GRID2: variants seen among roughly 807,000 people sequenced by gnomAD.
The protein encoded by GRID2 is glutamate receptor ionotropic, delta-2.
In GRID2, 33 loss-of-function variants were observed where a neutral mutation model predicts 114.8. The ratio of observed to expected loss-of-function variants is 0.29; its 90% CI spans 0.22 to 0.38. The LOEUF is 0.38. Ranked by LOEUF, GRID2 falls within the 10% of genes least tolerant of loss-of-function variation. The pLI, the probability that GRID2 is intolerant of heterozygous loss-of-function variation, is 1.00. For synonymous variants in GRID2, 505 were observed against 449.9 expected, an observed-to-expected ratio of 1.12 and a Z score of -1.55; for missense variants, 1,184 against 1,257.7, an observed-to-expected ratio of 0.94 and a Z score of 0.89.
chr4:93,095,639 T>TA (rs1351620480), intron 3 of GRID2, among the ~76,000 whole-genome samples: 1 of 151,894 alleles, frequency 6.6e-6, no homozygotes, highest in Non-Finnish European at 1.5e-5. Context: ...CTAATAGCAA[T>TA]AAAAAATTAA....
intron 1 of GRID2, among the ~76,000 whole-genome samples, chr4:92,357,074 G>T (rs1728364737): frequency 6.6e-6 from 1 of 151,836 alleles, no homozygotes; most frequent in East Asian, 1.9e-4. Flanking sequence ...GAGGATTAGG[G>T]TAATGGTGCC....
intron 2 of GRID2, among the ~76,000 whole-genome samples, chr4:92,871,398 A>G (rs1745268445): frequency 6.6e-6 from 1 of 152,030 alleles, no homozygotes; most frequent in African/African-American, 2.4e-5. Flanking sequence ...TTTGTTTTGC[A>G]TATGAAAATT....
At chr4:92,314,847 C>T (rs140257973) in intron 1 of GRID2, among the ~76,000 whole-genome samples, 431 of 152,176 alleles carry the variant, frequency 2.8e-3, no homozygotes, top group African/African-American at 9.2e-3. Context: ...GGATACTCAA[C>T]GTGTAGTAAT....
chr4:93,586,123 G>A (rs57384722), intron 13 of GRID2, among the ~76,000 whole-genome samples: 4,846 of 152,040 alleles, frequency 0.032, 246 homozygotes, highest in African/African-American at 0.11. Flanking sequence ...TAAACTACTT[G>A]AGTGATCCTA....
At chr4:93,301,660 C>A (rs900353936) in intron 8 of GRID2, among the ~76,000 whole-genome samples, 4 of 152,118 alleles carry the variant, frequency 2.6e-5, no homozygotes, top group Non-Finnish European at 5.9e-5. Context: ...AAGTACCACA[C>A]AAGTTATTTT....
At chr4:92,406,556 A>G (rs1731036401) in intron 1 of GRID2, among the ~76,000 whole-genome samples, 1 of 152,118 alleles carries the variant, frequency 6.6e-6, no homozygotes, top group African/African-American at 2.4e-5. Context: ...AAAAAATGTC[A>G]ACTTTTATTA....
intron 2 of GRID2, among the ~76,000 whole-genome samples, chr4:92,911,449 A>G (rs1330158258): frequency 6.6e-6 from 1 of 152,006 alleles, no homozygotes; most frequent in South Asian, 2.1e-4. Flanking sequence ...CACATAGTGG[A>G]TATTTATTTC....
intron 2 of GRID2, among the ~76,000 whole-genome samples, chr4:93,009,560 G>A (rs1721906123): frequency 6.6e-6 from 1 of 151,742 alleles, no homozygotes; most frequent in Non-Finnish European, 1.5e-5. Context: ...TTTCCTTGTG[G>A]GGCCAAAATC....
At chr4:92,388,221 G>A (rs1248490821) in intron 1 of GRID2, among the ~76,000 whole-genome samples, 1 of 152,062 alleles carries the variant, frequency 6.6e-6, no homozygotes, top group African/African-American at 2.4e-5. Flanking sequence ...ACAATCTTAT[G>A]TAGGTGGAGG....
chr4:92,858,559 T>G lies in GRID2; in HGVS notation c.245-226436T>G, dbSNP rs182609777. On this transcript the variant is annotated intron_variant, in intron 2 of 15. Coordinates refer to ENST00000282020, the MANE Select transcript of GRID2 (RefSeq NM_001510.4). ...TTTTAATGAATGAGGAGTTTGTTTG[T>G]TTTTTTTCTTTCTTTTGAGACGGAG... 2.7e-4 allele frequency among the ~76,000 whole-genome samples: 41 copies of G among 152,082 alleles called. 2 individuals are homozygous for G. In the South Asian group the frequency reaches 6.9e-3, roughly 25 times the overall value.
chr4:93,104,837 T>C (rs1732048312), intron 3 of GRID2, among the ~76,000 whole-genome samples: 1 of 152,120 alleles, frequency 6.6e-6, no homozygotes, highest in Admixed American at 6.5e-5. Context: ...ATGGGATGGC[T>C]GGGTCAAATG....
At chr4:93,378,391 A>G (rs1440825327) in intron 8 of GRID2, among the ~76,000 whole-genome samples, 1 of 152,096 alleles carries the variant, frequency 6.6e-6, no homozygotes, top group East Asian at 1.9e-4. Flanking sequence ...TGTTAAATCT[A>G]TATCCTATAA....
intron 2 of GRID2, among the ~76,000 whole-genome samples, chr4:92,667,321 A>C (rs1732838419): frequency 6.6e-6 from 1 of 151,634 alleles, no homozygotes; most frequent in Non-Finnish European, 1.5e-5. Context: ...AAGACTTCCT[A>C]ATAATTCCAA....
At chr4:92,941,263 T>C (rs1018615849) in intron 2 of GRID2, among the ~76,000 whole-genome samples, 3 of 152,188 alleles carry the variant, frequency 2.0e-5, no homozygotes, top group Admixed American at 6.5e-5. Context: ...ACTGGTCTAT[T>C]CAGAGATTCA....
At chr4:92,910,694 C>T (rs1277972607) in intron 2 of GRID2, among the ~76,000 whole-genome samples, 8 of 152,046 alleles carry the variant, frequency 5.3e-5, no homozygotes, top group Non-Finnish European at 1.2e-4. Flanking sequence ...TCTTTTCATA[C>T]ACCAAAATTT....
At chr4:92,405,884 G>A (rs577848842) in intron 1 of GRID2, among the ~76,000 whole-genome samples, 1 of 152,170 alleles carries the variant, frequency 6.6e-6, no homozygotes, top group African/African-American at 2.4e-5. Context: ...ATAAAGGGGA[G>A]TTTATTAAGT....
At chr4:93,400,149 T>G (rs1041597011) in intron 9 of GRID2, among the ~76,000 whole-genome samples, 4 of 152,156 alleles carry the variant, frequency 2.6e-5, no homozygotes, top group African/African-American at 9.6e-5. Flanking sequence ...ATCTTCCTTC[T>G]GAATCAGAAT....
intron 8 of GRID2, chr4:93,306,076 G>A (rs1448813740): frequency 6.6e-6 from 1 of 152,108 alleles, no homozygotes; most frequent in Non-Finnish European, 1.5e-5. Flanking sequence ...TTAACGTTAC[G>A]ATTTTTCTTT....
At chr4:93,625,910 G>A (rs754143268) in intron 13 of GRID2, among the ~76,000 whole-genome samples, 20 of 143,678 alleles carry the variant, frequency 1.4e-4, no homozygotes, top group South Asian at 4.4e-4. Flanking sequence ...GCAAGACTCC[G>A]TCTCAGAAAA....
Sources: gnomAD v4.1 joint callset for allele counts (sites outside exome capture counted in the v4.1 genomes callset) on GRCh38, gnomAD v4.1.1 for gene constraint, MANE v1.5 for transcripts, NCBI Gene and HGNC (gene_info 2026-07-23, HGNC 2026-07-21) for gene names.